The following RNF217 variants were observed in gnomAD, a reference collection of about 807,000 sequenced individuals.
RNF217 encodes ring finger protein 217, also known as E3 ubiquitin-protein ligase RNF217.
Under a neutral mutation model 57.8 loss-of-function variants are expected in RNF217, and 31 were observed. The ratio of observed to expected loss-of-function variants is 0.54; its 90% CI spans 0.40 to 0.72. The LOEUF (loss-of-function observed/expected upper bound fraction) is 0.72. Ranked by LOEUF, RNF217 falls within the 30% of genes least tolerant of loss-of-function variation. The pLI is 0.00. For missense variants in RNF217, 696 were observed against 708.3 expected (o/e 0.98, Z 0.20); for synonymous variants, 313 against 294.0 (o/e 1.06, Z -0.66).
At chr6:124,999,583 C>G (rs191407899) in intron 1 of RNF217, among the ~76,000 whole-genome samples, 41 of 152,184 alleles carry the variant, frequency 2.7e-4, no homozygotes, top group African/African-American at 7.9e-4. Context: ...AGTATAACTA[C>G]AGTCAAGCCA....
At chr6:125,081,531 A>C (rs1393729746) in intron 5 of RNF217, 24 bp downstream of exon 5, 1 of 1,576,546 alleles carries the variant, frequency 6.3e-7, no homozygotes, top group South Asian at 1.1e-5. Context: ...CATGCATCTG[A>C]GATTAGAATT....
intron 1 of RNF217, among the ~76,000 whole-genome samples, chr6:125,043,751 G>T (rs1786978154): frequency 6.6e-6 from 1 of 151,972 alleles, no homozygotes; most frequent in African/African-American, 2.4e-5. Flanking sequence ...AATCTATTGG[G>T]ACTGTGAGCA....
intron 1 of RNF217, among the ~76,000 whole-genome samples, chr6:125,012,167 A>G (rs1032964244): frequency 2.6e-5 from 4 of 152,170 alleles, no homozygotes; most frequent in Non-Finnish European, 4.4e-5. Context: ...CTATGAAGGA[A>G]TAGGAAGGAA....
intron 1 of RNF217, among the ~76,000 whole-genome samples, chr6:124,981,242 A>C (rs1784148885): frequency 6.6e-6 from 1 of 152,238 alleles, no homozygotes; most frequent in African/African-American, 2.4e-5. Context: ...AATTATTTAC[A>C]GGGTATTTAA....
intron 2 of RNF217, among the ~76,000 whole-genome samples, chr6:125,052,325 T>TG (rs1562486981): frequency 3.6e-5 from 5 of 138,808 alleles, no homozygotes; most frequent in African/African-American, 1.6e-4. Flanking sequence ...TGTGTGGTTT[T>TG]ATTTGTTTTG....
intron 4 of RNF217, among the ~76,000 whole-genome samples, chr6:125,079,888 A>T (rs526790): frequency 0.031 from 4,714 of 152,216 alleles, 235 homozygotes; most frequent in African/African-American, 0.11. Flanking sequence ...CTAACCTAGG[A>T]ATAAGAGATA....
At chr6:124,976,983 T>A (rs1783989395) in intron 1 of RNF217, among the ~76,000 whole-genome samples, 1 of 152,246 alleles carries the variant, frequency 6.6e-6, no homozygotes, top group South Asian at 2.1e-4. Context: ...TCCTGATACT[T>A]TGCTCGTTTT....
intron 1 of RNF217, among the ~76,000 whole-genome samples, chr6:124,991,487 A>G (rs1046094965): frequency 7.9e-5 from 12 of 152,012 alleles, no homozygotes; most frequent in Non-Finnish European, 1.5e-4. Flanking sequence ...GTATTTTTTC[A>G]TGGCTTTATT....
At chr6:125,014,446 C>T (rs1582709843) in intron 1 of RNF217, among the ~76,000 whole-genome samples, 1 of 152,142 alleles carries the variant, frequency 6.6e-6, no homozygotes, top group South Asian at 2.1e-4. Flanking sequence ...GCTCTGCTTT[C>T]CTCTTATTTA....
At chr6:125,069,415 C>T (rs1788058059) in intron 3 of RNF217, among the ~76,000 whole-genome samples, 1 of 152,138 alleles carries the variant, frequency 6.6e-6, no homozygotes, top group Non-Finnish European at 1.5e-5. Flanking sequence ...GACTCCCTGA[C>T]ATGGCAGTTG....
intron 1 of RNF217, among the ~76,000 whole-genome samples, chr6:125,044,352 T>C (rs1331705873): frequency 6.6e-6 from 1 of 152,158 alleles, no homozygotes; most frequent in Non-Finnish European, 1.5e-5. Flanking sequence ...CTACTCATTA[T>C]TTCAAAGTAG....
At chr6:125,060,384 T>C (rs1294057566) in intron 3 of RNF217, among the ~76,000 whole-genome samples, 1 of 150,196 alleles carries the variant, frequency 6.7e-6, no homozygotes, top group African/African-American at 2.5e-5. Flanking sequence ...CACACACATA[T>C]ATATTTGTAC....
intron 1 of RNF217, among the ~76,000 whole-genome samples, chr6:125,008,041 G>GTCGGTGGATCACGAA (rs1562465138): frequency 2.6e-5 from 4 of 152,046 alleles, no homozygotes; most frequent in African/African-American, 9.7e-5. Context: ...TGGATCACGA[G>GTCGGTGGATCACGAA]GTCAGTAGAT....
intron 1 of RNF217, among the ~76,000 whole-genome samples, chr6:124,966,314 T>G (rs528863753): frequency 5.3e-5 from 8 of 152,194 alleles, no homozygotes; most frequent in Admixed American, 1.3e-4. Context: ...TCCTCATCAA[T>G]GAAATGTAAT....
intron 3 of RNF217, among the ~76,000 whole-genome samples, chr6:125,071,567 G>C (rs1394924312): frequency 1.3e-5 from 2 of 149,998 alleles, no homozygotes; most frequent in East Asian, 4.0e-4. Flanking sequence ...AATCCATCCT[G>C]TGAAGAATAT....
chr6:125,039,384 C>A (rs1786783246), intron 1 of RNF217, among the ~76,000 whole-genome samples: 2 of 152,100 alleles, frequency 1.3e-5, no homozygotes, highest in African/African-American at 4.8e-5. Context: ...GGGATCAACA[C>A]AACAAGAAGA....
chr6:124,962,578 G>A lies in RNF217; in HGVS notation c.34G>A (p.Gly12Ser). The change falls in exon 1 of 6, where the codon GGC becomes AGC. Residue 12 changes from glycine to serine, a missense_variant. Gly to Ser is a moderately conservative substitution (Grantham distance 56). Transcript: ENST00000521654. The surrounding 1 kb of genome is among the most constrained non-coding windows in gnomAD (Gnocchi z 4.6). ...GEEQSTVSGGGGPQESQTLAS... is the reference protein window; with the variant it reads ...GEEQSTVSGGSGPQESQTLAS... ...GGAGCAGAGCACGGTGAGCGGCGGC[G>A]GCGGGCCCCAGGAGTCGCAGACCCT... is the stretch of plus-strand genomic sequence containing the variant. 1.6e-6 allele frequency: 2 copies of A among 1,266,870 alleles called. No individual in the cohort carries two copies. Among genetic ancestry groups the A allele is most frequent in the African/African-American group, 1.6e-5 (1 of 63,942 alleles). The allele number at this position is 1,266,870 out of a possible 1,614,324, so 78.5% of individuals were successfully genotyped here. A position where few individuals can be genotyped will look rare whatever the true frequency, so the allele number is the denominator to read the frequency against.
At chr6:125,075,670 C>T (rs1788336503) in intron 3 of RNF217, among the ~76,000 whole-genome samples, 1 of 152,024 alleles carries the variant, frequency 6.6e-6, no homozygotes, top group Non-Finnish European at 1.5e-5. Context: ...AGAGCCAAAC[C>T]ATATCAGCAA....
intron 1 of RNF217, among the ~76,000 whole-genome samples, chr6:124,999,118 A>G (rs1784870940): frequency 6.6e-6 from 1 of 152,240 alleles, no homozygotes; most frequent in African/African-American, 2.4e-5. Flanking sequence ...GCATACTAGG[A>G]AAAACATACT....
Sources: gnomAD v4.1 joint callset for allele counts (sites outside exome capture counted in the v4.1 genomes callset) on GRCh38, gnomAD v4.1.1 for gene constraint, Gnocchi (gnomAD v3.1) non-coding constraint, MANE v1.5 for transcripts, NCBI Gene and HGNC (gene_info 2026-07-23, HGNC 2026-07-21) for gene names.